The following PTPRD variants were observed in gnomAD, a reference collection of about 807,000 sequenced individuals.
The protein encoded by PTPRD is protein tyrosine phosphatase receptor type D.
A neutral mutation model predicts 214.5 loss-of-function variants in PTPRD; 34 were observed. The ratio of observed to expected loss-of-function variants is 0.16; its 90% CI spans 0.12 to 0.21. The LOEUF is 0.21. Ranked by LOEUF, PTPRD falls within the 10% of genes least tolerant of loss-of-function variation. The pLI, the probability that PTPRD is intolerant of heterozygous loss-of-function variation, is 1.00. For missense variants in PTPRD, 2,545 were observed against 2,398.7 expected (o/e 1.06, Z -1.27); for synonymous variants, 1,128 against 845.7 (o/e 1.33, Z -5.79).
intron 26 of PTPRD, among the ~76,000 whole-genome samples, chr9:8,496,690 C>A (rs952716381): frequency 6.6e-6 from 1 of 152,144 alleles, no homozygotes; most frequent in African/African-American, 2.4e-5. Context: ...ACTGGATATG[C>A]GATCCTGGAG....
chr9:9,761,773 T>C (rs1282400901), intron 6 of PTPRD, among the ~76,000 whole-genome samples: 1 of 152,110 alleles, frequency 6.6e-6, no homozygotes, highest in Non-Finnish European at 1.5e-5. Context: ...TCAAATTGTC[T>C]CCCCTTCCCC....
intron 12 of PTPRD, among the ~76,000 whole-genome samples, chr9:8,725,933 A>T (rs1400804170): frequency 6.6e-6 from 1 of 152,160 alleles, no homozygotes; most frequent in African/African-American, 2.4e-5. Flanking sequence ...CTGAAGATAG[A>T]TTACAGGCTG....
intron 8 of PTPRD, among the ~76,000 whole-genome samples, chr9:9,479,654 T>A (rs1176669526): frequency 6.6e-6 from 1 of 152,142 alleles, no homozygotes; most frequent in African/African-American, 2.4e-5. Flanking sequence ...AGAAATTATT[T>A]GATTGATAAT....
chr9:9,201,854 C>A (rs2099942028), intron 9 of PTPRD, among the ~76,000 whole-genome samples: 1 of 152,124 alleles, frequency 6.6e-6, no homozygotes, highest in African/African-American at 2.4e-5. Context: ...GTTTACCATG[C>A]AGAAAGCCTA....
chr9:8,526,785 T>C, intron 16 of PTPRD, 141 bp from the exon 17 acceptor site: 4 of 598,832 alleles, frequency 6.7e-6, no homozygotes, highest in Non-Finnish European at 8.3e-6. Context: ...ATTACTATAT[T>C]GGTAAAACAG....
intron 10 of PTPRD, among the ~76,000 whole-genome samples, chr9:9,163,332 TCTC>T (rs2099894211): frequency 6.6e-6 from 1 of 152,072 alleles, no homozygotes; most frequent in Admixed American, 6.6e-5. Flanking sequence ...GCACTCATGA[TCTC>T]CTTATCTTTC....
At chr9:8,779,225 C>G (rs1054170500) in intron 11 of PTPRD, among the ~76,000 whole-genome samples, 1 of 152,180 alleles carries the variant, frequency 6.6e-6, no homozygotes, top group African/African-American at 2.4e-5. Flanking sequence ...CAACAAGAAT[C>G]TGTTAAGCAA....
chr9:10,326,883 C>A (rs2096652282), intron 3 of PTPRD, among the ~76,000 whole-genome samples: 1 of 151,288 alleles, frequency 6.6e-6, no homozygotes, highest in South Asian at 2.1e-4. Flanking sequence ...CTCTTTAAGG[C>A]AATGTGCATT....
chr9:10,378,084 G>A (rs542536111), intron 2 of PTPRD, among the ~76,000 whole-genome samples: 9 of 152,006 alleles, frequency 5.9e-5, no homozygotes, highest in African/African-American at 2.2e-4. Context: ...ATTACAGCCT[G>A]TCTTTTGGAT....
At position 10,093,443 on chromosome 9, in the gene PTPRD, A is replaced by G. The variant is rs112354188; in HGVS notation, c.-544-59653T>C. Among the ~76,000 whole-genome samples, 1,196 of 151,592 alleles carry G rather than the reference A, an allele frequency of 7.9e-3. 12 individuals carry two copies. The highest frequency in any genetic ancestry group is 0.022 in the African/African-American group (900 of 41,468). On this transcript the variant is annotated intron_variant, in intron 3 of 45. Coordinates refer to ENST00000381196, the MANE Select transcript of PTPRD (RefSeq NM_002839.4). ...AATGGCGATTCCTAAAAAGTCCAAA[A>G]TTGATAGATCCTGGCATGGCAGCAG...
intron 3 of PTPRD, among the ~76,000 whole-genome samples, chr9:10,082,812 TAC>T (rs776251264): frequency 0.012 from 1,689 of 138,212 alleles, 11 homozygotes; most frequent in African/African-American, 0.019. Context: ...CTACTCCTCC[TAC>T]ACACACACAC....
chr9:9,904,253 G>T (rs1310128800), intron 5 of PTPRD, among the ~76,000 whole-genome samples: 1 of 151,982 alleles, frequency 6.6e-6, no homozygotes, highest in Non-Finnish European at 1.5e-5. Context: ...CAAGAAATGA[G>T]AATCAGGAAG....
At chr9:8,446,478 T>C (rs1445574025) in intron 34 of PTPRD, among the ~76,000 whole-genome samples, 1 of 152,236 alleles carries the variant, frequency 6.6e-6, no homozygotes, top group East Asian at 1.9e-4. Flanking sequence ...TTTGCTATTT[T>C]ATCATTCATA....
intron 12 of PTPRD, among the ~76,000 whole-genome samples, chr9:8,650,959 T>C (rs187744908): frequency 5.8e-4 from 89 of 152,170 alleles, no homozygotes; most frequent in African/African-American, 1.9e-3. Context: ...GGCTTCCAAA[T>C]ATTCTCATTC....
chr9:8,342,817 G>A (rs555706213), intron 39 of PTPRD, among the ~76,000 whole-genome samples: 1 of 152,176 alleles, frequency 6.6e-6, no homozygotes, highest in African/African-American at 2.4e-5. Context: ...GTATCGAAGG[G>A]ACATAATACT....
At chr9:9,195,015 G>A in intron 9 of PTPRD, among the ~76,000 whole-genome samples, 2 of 140,184 alleles carry the variant, frequency 1.4e-5, no homozygotes, top group African/African-American at 5.1e-5. Flanking sequence ...AGATACCTAT[G>A]GTATATATGT....
At chr9:9,464,682 C>T (rs925140527) in intron 8 of PTPRD, among the ~76,000 whole-genome samples, 3 of 152,136 alleles carry the variant, frequency 2.0e-5, no homozygotes, top group African/African-American at 7.2e-5. Context: ...TTGATTTCCA[C>T]CCCGGGAATC....
intron 2 of PTPRD, among the ~76,000 whole-genome samples, chr9:10,602,128 C>T (rs138918522): frequency 3.3e-4 from 50 of 151,706 alleles, no homozygotes; most frequent in South Asian, 2.3e-3. Flanking sequence ...TGTAGGGAAA[C>T]GCAATTTTGT....
At chr9:10,458,767 A>G (rs1035190231) in intron 2 of PTPRD, among the ~76,000 whole-genome samples, 13 of 150,922 alleles carry the variant, frequency 8.6e-5, no homozygotes, top group African/African-American at 3.2e-4. Context: ...TGCAAATGAT[A>G]CCCTTTATGT....
Sources: allele counts gnomAD v4.1 joint callset (sites outside exome capture counted in the v4.1 genomes callset), GRCh38; gene constraint gnomAD v4.1.1; transcripts MANE v1.5; gene names NCBI Gene and HGNC (gene_info 2026-07-23, HGNC 2026-07-21).